The following THSD7B variants were observed in gnomAD, a reference collection of about 807,000 sequenced individuals.
THSD7B encodes the protein thrombospondin type 1 domain containing 7B, also known as thrombospondin type-1 domain-containing protein 7B.
A neutral mutation model predicts 213.6 loss-of-function variants in THSD7B; 138 were observed. That is an observed-to-expected ratio of 0.65 (90% CI 0.56 to 0.74). The LOEUF is 0.74. Ranked by LOEUF, THSD7B falls within the 30% of genes least tolerant of loss-of-function variation. THSD7B has a pLI of 0.00. For synonymous variants in THSD7B, 742 were observed against 687.0 expected (o/e 1.08, Z -1.25); for missense variants, 1,931 against 1,991.5 (o/e 0.97, Z 0.58).
intron 2 of THSD7B, 59 bp from the exon 3 acceptor site, chr2:137,056,361 C>T (rs756821393): frequency 2.6e-5 from 40 of 1,515,988 alleles, no homozygotes; most frequent in Non-Finnish European, 3.6e-5. Context: ...CTTCTACTTA[C>T]CTGTGAATTG....
chr2:137,386,566 C>A (rs1419751779), intron 12 of THSD7B, among the ~76,000 whole-genome samples: 1 of 152,136 alleles, frequency 6.6e-6, no homozygotes, highest in African/African-American at 2.4e-5. Flanking sequence ...TAGAGTTGAA[C>A]TCTGGTCGGA....
At chr2:137,197,053 A>G (rs1680779098) in intron 7 of THSD7B, among the ~76,000 whole-genome samples, 1 of 152,216 alleles carries the variant, frequency 6.6e-6, no homozygotes, top group African/African-American at 2.4e-5. Flanking sequence ...GTAATCATGA[A>G]GAAACTTCGG....
intron 7 of THSD7B, among the ~76,000 whole-genome samples, chr2:137,229,388 C>G (rs1006035775): frequency 2.6e-5 from 4 of 151,916 alleles, no homozygotes; most frequent in African/African-American, 9.7e-5. Flanking sequence ...ACAGTGTGAA[C>G]TCAACCTGGA....
At chr2:137,583,176 T>G (rs1003266297) in intron 17 of THSD7B, among the ~76,000 whole-genome samples, 1 of 152,212 alleles carries the variant, frequency 6.6e-6, no homozygotes, top group Non-Finnish European at 1.5e-5. Flanking sequence ...TTGCCCACTT[T>G]TTGATGGGCT....
intron 3 of THSD7B, among the ~76,000 whole-genome samples, chr2:137,062,496 C>T (rs1687296915): frequency 6.6e-6 from 1 of 151,618 alleles, no homozygotes; most frequent in Non-Finnish European, 1.5e-5. Context: ...CTCTTTGTTC[C>T]ACAAATTCTG....
intron 15 of THSD7B, among the ~76,000 whole-genome samples, chr2:137,497,249 C>T (rs535888025): frequency 1.3e-5 from 2 of 151,700 alleles, no homozygotes; most frequent in Admixed American, 1.3e-4. Flanking sequence ...TCACTTTAAT[C>T]CTCTTTTTCT....
intron 15 of THSD7B, among the ~76,000 whole-genome samples, chr2:137,553,031 A>C (rs1481129582): frequency 6.6e-6 from 1 of 152,186 alleles, no homozygotes; most frequent in Non-Finnish European, 1.5e-5. Context: ...TTTGGAGAAG[A>C]AGCAATCTCA....
chr2:137,381,035 A>G (rs1255824970), intron 12 of THSD7B, among the ~76,000 whole-genome samples: 1 of 152,212 alleles, frequency 6.6e-6, no homozygotes, highest in Non-Finnish European at 1.5e-5. Flanking sequence ...TGTTTTTCCA[A>G]CTACCTGACA....
At chr2:137,331,247 C>T (rs1274007970) in intron 12 of THSD7B, among the ~76,000 whole-genome samples, 1 of 149,910 alleles carries the variant, frequency 6.7e-6, no homozygotes, top group Non-Finnish European at 1.5e-5. Context: ...AAGGCCCCAC[C>T]AGAGCAGCTA....
At chr2:137,364,144 A>G (rs1685344064) in intron 12 of THSD7B, among the ~76,000 whole-genome samples, 1 of 152,240 alleles carries the variant, frequency 6.6e-6, no homozygotes, top group Non-Finnish European at 1.5e-5. Flanking sequence ...CAAAAGCCAC[A>G]TGATTATCTC....
intron 6 of THSD7B, among the ~76,000 whole-genome samples, chr2:137,165,974 T>C (rs940251047): frequency 1.3e-5 from 2 of 152,140 alleles, no homozygotes; most frequent in African/African-American, 2.4e-5. Context: ...TAGAAAGGAA[T>C]GGGAAAGTAG....
intron 19 of THSD7B, among the ~76,000 whole-genome samples, chr2:137,619,065 C>T (rs1461774435): frequency 6.6e-6 from 1 of 152,026 alleles, no homozygotes; most frequent in East Asian, 1.9e-4. Context: ...CCCTCTGTTC[C>T]AAACTATATG....
At chr2:137,610,406 C>G (rs1449527404) in intron 17 of THSD7B, among the ~76,000 whole-genome samples, 1 of 152,074 alleles carries the variant, frequency 6.6e-6, no homozygotes, top group Non-Finnish European at 1.5e-5. Context: ...AGGGCATTAG[C>G]AGGGGCGAGT....
chr2:137,272,232 G>A (rs954265021), intron 10 of THSD7B, among the ~76,000 whole-genome samples: 30 of 152,056 alleles, frequency 2.0e-4, no homozygotes, highest in African/African-American at 7.0e-4. Flanking sequence ...GAAGGTTTCT[G>A]GGGCCCCTTC....
intron 3 of THSD7B, among the ~76,000 whole-genome samples, chr2:137,077,886 A>G (rs575554260): frequency 2.6e-5 from 4 of 152,280 alleles, no homozygotes; most frequent in Non-Finnish European, 4.4e-5. Flanking sequence ...TGTTTTAGAC[A>G]TGAAGTCCTT....
chr2:137,210,736 G>A (rs1403757074), intron 7 of THSD7B, among the ~76,000 whole-genome samples: 2 of 151,896 alleles, frequency 1.3e-5, no homozygotes. Context: ...TCTTCTGAGA[G>A]TTTTGACATT....
chr2:136,770,098 A>T (rs566994480), intron 1 of THSD7B, among the ~76,000 whole-genome samples: 9 of 152,344 alleles, frequency 5.9e-5, no homozygotes, highest in Admixed American at 3.3e-4. Context: ...GTTAGCGAAC[A>T]GCTCATTACT....
rs184265335 is a variant in THSD7B at position 137,425,013 on chromosome 2, A to G, written c.2959+13141A>G. ...CGTGAACCCGGGAGGCGGAGCTTACAGTGAGCGGAGATCGCGCCACTGCAC... is the reference window on the plus strand; with the variant it reads ...CGTGAACCCGGGAGGCGGAGCTTACGGTGAGCGGAGATCGCGCCACTGCAC... On this transcript the variant is annotated intron_variant, in intron 14 of 27. Transcript: ENST00000409968. Among the ~76,000 whole-genome samples, 1,012 of 151,426 alleles carry G rather than the reference A, an allele frequency of 6.7e-3. 10 individuals are homozygous for G. The highest frequency in any genetic ancestry group is 0.023 in the African/African-American group (971 of 41,346).
chr2:136,900,154 C>T (rs898667720), intron 2 of THSD7B, among the ~76,000 whole-genome samples: 13 of 152,164 alleles, frequency 8.5e-5, no homozygotes, highest in Non-Finnish European at 1.9e-4. Flanking sequence ...GACATGTTTG[C>T]AGCTGAGAAT....
Sources: gnomAD v4.1 joint callset for allele counts (sites outside exome capture counted in the v4.1 genomes callset) on GRCh38, gnomAD v4.1.1 for gene constraint, MANE v1.5 for transcripts, NCBI Gene and HGNC (gene_info 2026-07-23, HGNC 2026-07-21) for gene names.